Variants in ADAM12 observed in about 807,000 individuals in gnomAD.
The protein encoded by ADAM12 is ADAM metallopeptidase domain 12, also known as disintegrin and metalloproteinase domain-containing protein 12.
A neutral mutation model predicts 106.4 loss-of-function variants in ADAM12; 70 were observed. The observed-to-expected ratio is 0.66, with a 90% confidence interval of 0.54 to 0.80. ADAM12 has a LOEUF of 0.80. ADAM12 is among the 30% of genes least tolerant of loss of function. ADAM12 has a pLI of 0.00. For synonymous variants in ADAM12, 420 were observed against 433.5 expected (o/e 0.97, Z 0.39); for missense variants, 1,010 against 1,171.9 (o/e 0.86, Z 2.02).
In ADAM12 at chr10:126,388,343, T is replaced by G. The variant is rs1166371537; in HGVS notation, c.-198A>C. On this transcript the variant is annotated 5_prime_UTR_variant, in exon 1 of 23. Transcript: ENST00000448723. The surrounding 1 kb of genome is among the most constrained non-coding windows in gnomAD (Gnocchi z 4.4). ...TCATTTTTAAAAAAGTTTCCCCCCG[T>G]GTGTGTGCGTGCGTGCGCGCGCGCG... The G allele has an allele frequency of 1.2e-6, 1 of 806,756 alleles. No individual in the cohort carries two copies. The highest frequency in any genetic ancestry group is 1.8e-5 in the African/African-American group (1 of 54,642). The allele number at this position is 806,756 out of a possible 1,614,324, so 50.0% of individuals were successfully genotyped here. A position where few individuals can be genotyped will look rare whatever the true frequency, so the allele number is the denominator to read the frequency against.
chr10:126,064,272 T>TC lies in ADAM12; in HGVS notation c.1609+533dup, dbSNP rs1308527286. Among the ~76,000 whole-genome samples, 1 of 152,170 alleles carries TC rather than the reference T, an allele frequency of 6.6e-6. No individual in the cohort carries two copies. The highest frequency in any genetic ancestry group is 2.4e-5 in the African/African-American group (1 of 41,446). On this transcript the variant is annotated intron_variant, in intron 14 of 22. Coordinates refer to ENST00000448723, the MANE Select transcript of ADAM12 (RefSeq NM_001288973.2). The surrounding 1 kb of genome is among the most constrained non-coding windows in gnomAD (Gnocchi z 4.4). ...TTCTGATTACAGACACACTCATGCT[T>TC]CAAGTCTGATCAGGGCCTTCCCCAT...
chr10:126,347,754 A>G (rs1328885142), intron 1 of ADAM12, among the ~76,000 whole-genome samples: 2 of 152,114 alleles, frequency 1.3e-5, no homozygotes, highest in African/African-American at 4.8e-5. Flanking sequence ...ATTTATTGCC[A>G]ATTTTTAATT....
At chr10:126,055,601 G>A (rs968843679) in intron 14 of ADAM12, among the ~76,000 whole-genome samples, 1 of 152,112 alleles carries the variant, frequency 6.6e-6, no homozygotes, top group African/African-American at 2.4e-5. Flanking sequence ...GCAAAGTTGG[G>A]TTTGTCTCAT....
chr10:126,021,482 T>C (rs1215497798), intron 21 of ADAM12, among the ~76,000 whole-genome samples: 1 of 152,166 alleles, frequency 6.6e-6, no homozygotes, highest in Non-Finnish European at 1.5e-5. Flanking sequence ...TCCACAGGTG[T>C]GTGGAAGATA....
At chr10:126,362,748 C>A (rs546053279) in intron 1 of ADAM12, among the ~76,000 whole-genome samples, 4 of 152,086 alleles carry the variant, frequency 2.6e-5, no homozygotes, top group South Asian at 2.1e-4. Flanking sequence ...CGAGCTCATA[C>A]AAAGAGTAGA....
chr10:126,097,330 G>A (rs1416438556), intron 10 of ADAM12, among the ~76,000 whole-genome samples: 2 of 152,198 alleles, frequency 1.3e-5, no homozygotes, highest in Non-Finnish European at 2.9e-5. Context: ...AAACAAGGCA[G>A]TCACCACTCA....
intron 3 of ADAM12, among the ~76,000 whole-genome samples, chr10:126,208,796 T>A (rs528700984): frequency 7.2e-5 from 11 of 151,852 alleles, no homozygotes; most frequent in African/African-American, 2.7e-4. Context: ...CACACTTCTT[T>A]AAATCATATC....
intron 3 of ADAM12, among the ~76,000 whole-genome samples, chr10:126,175,082 G>C (rs1312369748): frequency 6.6e-6 from 1 of 152,166 alleles, no homozygotes; most frequent in Non-Finnish European, 1.5e-5. Flanking sequence ...ACAATTTTGA[G>C]TTTGTCTGCT....
Position 126,098,608 on chromosome 10 carries a change from A to T in ADAM12, c.912-108T>A, listed in dbSNP as rs55637201. On this transcript the variant is annotated intron_variant, in intron 9 of 22. Transcript: ENST00000448723. ...CTGCAATAAAATACGCAAAAATAAA[A>T]ATAGCTGTATGAGGGTATATTCACA... 1.3e-3 allele frequency: 1,188 copies of T among 942,614 alleles called. 14 individuals are homozygous for T. The Admixed American group carries it at 0.017, about 14-fold the overall frequency. 58.4% of individuals were successfully genotyped at this position (942,614 alleles called of 1,614,324 possible).
In ADAM12 at chr10:126,272,518, A is replaced by C. The variant is rs530390197; in HGVS notation, c.260+6397T>G. ...TAATGTTTAGTAAAGATAATTATTA[A>C]TAAGATATTAATAAAGATTCTGATA... On this transcript the variant is annotated intron_variant, in intron 3 of 22. Transcript: ENST00000448723. Among the ~76,000 whole-genome samples the C allele has an allele frequency of 2.6e-5, 4 of 152,330 alleles. No homozygotes were observed. In the South Asian group the frequency reaches 8.3e-4, roughly 32 times the overall value.
intron 3 of ADAM12, among the ~76,000 whole-genome samples, chr10:126,201,168 C>T (rs762539515): frequency 7.0e-4 from 107 of 152,186 alleles, no homozygotes; most frequent in South Asian, 1.2e-3. Flanking sequence ...TGGGTTGAAC[C>T]GTCCTTCCAA....
intron 1 of ADAM12, among the ~76,000 whole-genome samples, chr10:126,368,264 T>C (rs1261102804): frequency 6.6e-6 from 1 of 151,922 alleles, no homozygotes; most frequent in Non-Finnish European, 1.5e-5. Context: ...CCAGTTGTTA[T>C]TTATATTAAA....
chr10:126,347,125 C>G (rs1855171137), intron 1 of ADAM12, among the ~76,000 whole-genome samples: 1 of 152,170 alleles, frequency 6.6e-6, no homozygotes, highest in African/African-American at 2.4e-5. Flanking sequence ...CCTCAATGGT[C>G]TTTACAATTT....
chr10:126,269,575 T>C (rs567470392), intron 3 of ADAM12, among the ~76,000 whole-genome samples: 85 of 152,114 alleles, frequency 5.6e-4, no homozygotes, highest in African/African-American at 2.0e-3. Context: ...AGAGGGAAGG[T>C]GCAATGACAG....
chr10:126,350,598 T>C (rs896514457), intron 1 of ADAM12, among the ~76,000 whole-genome samples: 7 of 152,272 alleles, frequency 4.6e-5, no homozygotes, highest in Admixed American at 3.9e-4. Flanking sequence ...CGCAGTGACC[T>C]GCATGTGTGA....
chr10:126,181,555 C>T (rs943154580), intron 3 of ADAM12, among the ~76,000 whole-genome samples: 3 of 152,198 alleles, frequency 2.0e-5, no homozygotes, highest in Admixed American at 2.0e-4. Context: ...GCCATCCACA[C>T]ATTCAGCCAC....
intron 2 of ADAM12, among the ~76,000 whole-genome samples, chr10:126,287,737 C>G (rs1959937861): frequency 6.6e-6 from 1 of 152,050 alleles, no homozygotes; most frequent in African/African-American, 2.4e-5. Flanking sequence ...CTGGACATCA[C>G]CACCTCAGAG....
At chr10:126,364,828 C>G (rs531695034) in intron 1 of ADAM12, among the ~76,000 whole-genome samples, 4 of 152,140 alleles carry the variant, frequency 2.6e-5, no homozygotes, top group Non-Finnish European at 5.9e-5. Flanking sequence ...CTTCCCTCAA[C>G]TCCTCCCTCA....
rs1446706564 is a variant in ADAM12, at chr10:126,049,660, G to A, written c.1619C>T (p.Pro540Leu). 2 of 1,613,970 alleles carry A rather than the reference G, an allele frequency of 1.2e-6. No individual in the cohort carries two copies. The highest frequency in any genetic ancestry group is 3.3e-5 in the Admixed American group (2 of 60,022). ...TCTCTCAAAGCAGATCCCAGGGGCA[G>A]GTTTAGCACCTGAAACAGAAGCAGA... Reference protein sequence around the residue: ...CVTLWGPGAKPAPGICFERVN... With the variant: ...CVTLWGPGAKLAPGICFERVN... The change falls in exon 15 of 23, where the codon CCT becomes CTT. Residue 540 changes from proline to leucine, a missense_variant. Coordinates refer to ENST00000448723, the MANE Select transcript of ADAM12 (RefSeq NM_001288973.2). This position sits in a 1 kb window ranked among gnomAD's most constrained non-coding sequence, Gnocchi z 4.4.
Sources: gnomAD v4.1 joint callset for allele counts (sites outside exome capture counted in the v4.1 genomes callset) on GRCh38, gnomAD v4.1.1 for gene constraint, Gnocchi (gnomAD v3.1) non-coding constraint, MANE v1.5 for transcripts, NCBI Gene and HGNC (gene_info 2026-07-23, HGNC 2026-07-21) for gene names.